The following LOC114841035 variants were observed in gnomAD, a reference collection of about 807,000 sequenced individuals.
At chr11:64,242,533 G>T in the LOC114841035 span, 1 of 1,553,718 alleles carries the variant, frequency 6.4e-7, no homozygotes, top group Non-Finnish European at 8.6e-7. Context: ...TCGCGCAAAG[G>T]GGATGTCCTG....
the LOC114841035 span, chr11:64,242,469 A>G: frequency 5.8e-5 from 90 of 1,550,214 alleles, no homozygotes; most frequent in African/African-American, 1.1e-3. Context: ...GGCCGAGGGC[A>G]AAAGGAAGCT....
the LOC114841035 span, chr11:64,243,962 C>A: frequency 3.7e-6 from 6 of 1,614,126 alleles, no homozygotes; most frequent in African/African-American, 8.0e-5. Flanking sequence ...CCCTTCTCCC[C>A]TACAGGTGGT....
chr11:64,243,362 C>T, the LOC114841035 span: 2 of 1,602,250 alleles, frequency 1.2e-6, no homozygotes, highest in African/African-American at 1.3e-5. Context: ...TGGCCACCGC[C>T]CAGGAGGTAA....
the LOC114841035 span, chr11:64,243,542 G>C: frequency 1.2e-6 from 2 of 1,606,914 alleles, no homozygotes; most frequent in South Asian, 1.1e-5. Flanking sequence ...TGGGGTGTGT[G>C]ACTGGGAAGG....
the LOC114841035 span, chr11:64,243,476 C>T: frequency 6.2e-7 from 1 of 1,613,982 alleles, no homozygotes; most frequent in Non-Finnish European, 8.5e-7. Context: ...AAAGCGCAAG[C>T]TGGTGATCCC....
the LOC114841035 span, chr11:64,243,392 A>C: frequency 6.2e-7 from 1 of 1,610,468 alleles, no homozygotes; most frequent in Non-Finnish European, 8.5e-7. Flanking sequence ...GGCAAGCCCC[A>C]GGGATACAAG....
chr11:64,243,685 A>C, the LOC114841035 span: 1 of 1,196,862 alleles, frequency 8.4e-7, no homozygotes. Context: ...TAGTGGCCCC[A>C]CTCTGCCCTT....
At chr11:64,242,654 C>G in the LOC114841035 span, 10 of 1,339,524 alleles carry the variant, frequency 7.5e-6, no homozygotes, top group African/African-American at 1.5e-4. Flanking sequence ...GGTAGGTGAC[C>G]TTGGGCAAGT....
At chr11:64,242,719 C>G in the LOC114841035 span, among the ~76,000 whole-genome samples, 1 of 152,188 alleles carries the variant, frequency 6.6e-6, no homozygotes, top group Non-Finnish European at 1.5e-5. Context: ...TGCCTACTGC[C>G]CAGGTGGGCA....
chr11:64,244,008 A>G, the LOC114841035 span: 1 of 1,614,038 alleles, frequency 6.2e-7, no homozygotes, highest in Non-Finnish European at 8.5e-7. Context: ...TGCTCAAAAT[A>G]GAGCGACGAA....
At chr11:64,243,703 C>A in the LOC114841035 span, 12 of 1,316,116 alleles carry the variant, frequency 9.1e-6, no homozygotes, top group South Asian at 1.4e-4. Context: ...CTTGCCAGGC[C>A]TTTGGCACCC....
At chr11:64,242,443 T>C in the LOC114841035 span, 1 of 1,550,306 alleles carries the variant, frequency 6.5e-7, no homozygotes, top group Non-Finnish European at 8.7e-7. Flanking sequence ...CTGAGCGCCG[T>C]GGCCACGGCC....
the LOC114841035 span, chr11:64,242,413 T>G: frequency 6.4e-7 from 1 of 1,553,666 alleles, no homozygotes; most frequent in Admixed American, 2.1e-5. Context: ...TTCCGGGTCC[T>G]GACAGTACTG....
At chr11:64,243,367 A>C in the LOC114841035 span, 2 of 1,603,634 alleles carry the variant, frequency 1.2e-6, no homozygotes, top group Admixed American at 3.4e-5. Context: ...ACCGCCCAGG[A>C]GGTAAGCTGT....
the LOC114841035 span, chr11:64,242,378 C>T: frequency 6.6e-7 from 1 of 1,516,252 alleles, no homozygotes; most frequent in Non-Finnish European, 8.8e-7. Flanking sequence ...GGGTCTGTGC[C>T]CACAGAGACA....
chr11:64,243,402 GAC>G, the LOC114841035 span: 4 of 1,612,500 alleles, frequency 2.5e-6, no homozygotes, highest in Non-Finnish European at 3.4e-6. Flanking sequence ...AGGGATACAA[GAC>G]AAGGGCCCTG....
At chr11:64,244,081 C>G in the LOC114841035 span, 4 of 1,544,052 alleles carry the variant, frequency 2.6e-6, no homozygotes, top group East Asian at 6.7e-5. Flanking sequence ...CCAGACTGTT[C>G]CAAAAAAAAA....
chr11:64,243,569 CT>C, the LOC114841035 span: 2 of 1,566,996 alleles, frequency 1.3e-6, no homozygotes, highest in Non-Finnish European at 1.8e-6. Context: ...GCTGCTTCAG[CT>C]TTTCATTGGT....
the LOC114841035 span, chr11:64,244,101 A>G: frequency 6.5e-7 from 1 of 1,538,356 alleles, no homozygotes; most frequent in Non-Finnish European, 8.9e-7. Flanking sequence ...AACAAAAAAC[A>G]AAAACAAACA....
Sources: gnomAD v4.1 joint callset for allele counts (sites outside exome capture counted in the v4.1 genomes callset) on GRCh38, gnomAD v4.1.1 for gene constraint, MANE v1.5 for transcripts.